Variants in EMSY observed in about 807,000 individuals in gnomAD.
EMSY encodes EMSY transcriptional repressor, BRCA2 interacting.
EMSY carries 26 observed loss-of-function variants against 134.6 expected under a neutral mutation model. The ratio of observed to expected loss-of-function variants is 0.19; its 90% CI spans 0.14 to 0.27. EMSY has a LOEUF of 0.27. Ranked by LOEUF, EMSY falls within the 10% of genes least tolerant of loss-of-function variation. The probability of loss-of-function intolerance (pLI) is 1.00; values close to 1 mark genes in which losing one functional copy is unlikely to be tolerated. For synonymous variants in EMSY, 579 were observed against 577.8 expected (o/e 1.00, Z -0.03); for missense variants, 1,305 against 1,611.4 (o/e 0.81, Z 3.26).
chr11:76,496,588 A>G lies in EMSY; in HGVS notation c.1363+119A>G, dbSNP rs1023978697. 6 of 1,162,388 alleles carry G rather than the reference A, an allele frequency of 5.2e-6. No individual in the cohort carries two copies. The African/African-American group carries it at 9.1e-5, about 18-fold the overall frequency. The allele number at this position is 1,162,388 out of a possible 1,614,324, so 72.0% of individuals were successfully genotyped here. On this transcript the variant is annotated intron_variant, in intron 9 of 20. Coordinates refer to ENST00000334736, the Ensembl canonical transcript of EMSY. ...TATTTAGGTCTTTGACTTTTTCATC[A>G]GTGTTTTACAGCTTTCAGCATATAG...
At chr11:76,523,023 A>G (rs1377863241) in intron 11 of EMSY, 132 bp from the exon 13 acceptor site, 5 of 867,810 alleles carry the variant, frequency 5.8e-6, no homozygotes, top group Non-Finnish European at 8.5e-6. Context: ...CTTCATTTTC[A>G]TCATCTTGAC....
intron 6 of EMSY, chr11:76,460,766 G>A (rs1260927577): frequency 6.6e-6 from 1 of 152,030 alleles, no homozygotes; most frequent in Non-Finnish European, 1.5e-5. Flanking sequence ...AATCATCTGA[G>A]GTCAGGAGTT....
At chr11:76,491,177 CTTTTT>C (rs61688457) in intron 8 of EMSY, among the ~76,000 whole-genome samples, 3 of 129,916 alleles carry the variant, frequency 2.3e-5, no homozygotes, top group South Asian at 5.0e-4. Flanking sequence ...CTTCTTTTTT[CTTTTT>C]TTTTTTTTTT....
intron 2 of EMSY, among the ~76,000 whole-genome samples, chr11:76,447,707 C>CTA (rs1279770271): frequency 6.6e-6 from 1 of 151,998 alleles, no homozygotes; most frequent in Non-Finnish European, 1.5e-5. Context: ...ATCTAGAGTG[C>CTA]TATTAGTTAT....
chr11:76,472,787 T>C (rs1948626623), exon 8 of EMSY: 2 of 1,613,830 alleles, frequency 1.2e-6, no homozygotes, highest in Admixed American at 1.7e-5. Context: ...ACAGTTGCAG[T>C]AACAGCTGTG....
rs150781844 is a variant in EMSY, at chr11:76,512,919, G to A, written c.1364-467G>A. ...CAGTTAAAAAATTCAAACAAAAAAT[G>A]TTCTTTGTCTTTATAATTTTCAACA... On this transcript the variant is annotated intron_variant, in intron 9 of 20. Transcript: ENST00000334736. Among the ~76,000 whole-genome samples, 796 of 152,156 alleles carry A rather than the reference G, an allele frequency of 5.2e-3. 6 individuals carry two copies. The highest frequency in any genetic ancestry group is 6.9e-3 in the Non-Finnish European group (466 of 67,946).
chr11:76,506,498 A>G (rs900696877), intron 9 of EMSY, among the ~76,000 whole-genome samples: 2 of 152,244 alleles, frequency 1.3e-5, no homozygotes, highest in African/African-American at 4.8e-5. Context: ...AATACCAATT[A>G]TCCTGACAGT....
intron 8 of EMSY, among the ~76,000 whole-genome samples, chr11:76,493,105 CCTGGCCTCTCCCCGCTCCTGCTGT>C (rs1949491195): frequency 2.0e-5 from 3 of 152,292 alleles, no homozygotes; most frequent in South Asian, 2.1e-4. Context: ...GCTCCTGCTG[CCTGGCCTCTCCCCGCTCCTGCTGT>C]CTGCTCCGGT....
exon 14 of EMSY, chr11:76,528,291 G>T: frequency 6.2e-7 from 1 of 1,613,512 alleles, no homozygotes; most frequent in South Asian, 1.1e-5. Context: ...CCAAACCAGT[G>T]ACTTTTCAAG....
rs1323733819 is a variant in EMSY, at chr11:76,507,859, CTTTTTCTTTTTTT to C, written c.1364-5521_1364-5509del. Among the ~76,000 whole-genome samples, 14 of 111,484 alleles carry C rather than the reference CTTTTTCTTTTTTT, an allele frequency of 1.3e-4. No individual in the cohort carries two copies. In the Admixed American group the frequency reaches 1.6e-3, roughly 13 times the overall value. The allele number at this position is 111,484 out of a possible 152,430, so 73.1% of individuals were successfully genotyped here. A position where few individuals can be genotyped will look rare whatever the true frequency, so the allele number is the denominator to read the frequency against. On this transcript the variant is annotated intron_variant, in intron 9 of 20. Coordinates refer to ENST00000334736, the Ensembl canonical transcript of EMSY. ...TGCATTTTTTTTTCTTTTTCTTTTT[CTTTTTCTTTTTTT>C]TTTTTTTCTTTTTTTTGAGACATAG...
At chr11:76,546,022 A>G in exon 20 of EMSY, 1 of 1,614,210 alleles carries the variant, frequency 6.2e-7, no homozygotes, top group Admixed American at 1.7e-5. Flanking sequence ...AGAACATATG[A>G]TAGTGGATCC....
chr11:76,507,545 T>G (rs1012428077), intron 9 of EMSY, among the ~76,000 whole-genome samples: 2 of 152,224 alleles, frequency 1.3e-5, no homozygotes, highest in Admixed American at 1.3e-4. Flanking sequence ...CATTAGAAGA[T>G]TCCATCTCAA....
intron 11 of EMSY, among the ~76,000 whole-genome samples, chr11:76,518,858 TTGTGTG>T (rs10691630): frequency 7.0e-6 from 1 of 143,094 alleles, no homozygotes; most frequent in African/African-American, 2.6e-5. Context: ...ATAGGCTGTC[TTGTGTG>T]TGTGTGTGTG....
intron 9 of EMSY, among the ~76,000 whole-genome samples, chr11:76,509,753 A>G (rs1357854216): frequency 2.6e-5 from 4 of 152,210 alleles, no homozygotes; most frequent in Non-Finnish European, 4.4e-5. Context: ...ATTTTCTTGT[A>G]TTTGTGGAGA....
At chr11:76,448,680 G>A (rs1316635715) in intron 2 of EMSY, among the ~76,000 whole-genome samples, 1 of 151,828 alleles carries the variant, frequency 6.6e-6, no homozygotes, top group Non-Finnish European at 1.5e-5. Flanking sequence ...CATATTGGGA[G>A]GTGAGCTTTG....
chr11:76,499,118 C>T lies in EMSY; in HGVS notation c.1363+2649C>T, dbSNP rs189909908. On this transcript the variant is annotated intron_variant, in intron 9 of 20. Transcript: ENST00000334736. ...CTGGGATTACAGGTGCACACTACCA[C>T]GCCCAGGTAACTTTTGTATTTTTAG... is the stretch of plus-strand genomic sequence containing the variant. 2.8e-3 allele frequency among the ~76,000 whole-genome samples: 421 copies of T among 151,992 alleles called. 2 individuals carry two copies. Among genetic ancestry groups the T allele is most frequent in the South Asian group, 9.8e-3 (47 of 4,808 alleles).
At chr11:76,521,961 C>T (rs1037992211) in intron 11 of EMSY, among the ~76,000 whole-genome samples, 1 of 151,880 alleles carries the variant, frequency 6.6e-6, no homozygotes, top group African/African-American at 2.4e-5. Flanking sequence ...AAGGTCAAGG[C>T]TGCAATGAGC....
chr11:76,488,731 A>C (rs574401345), intron 8 of EMSY, among the ~76,000 whole-genome samples: 1 of 152,308 alleles, frequency 6.6e-6, no homozygotes, highest in South Asian at 2.1e-4. Flanking sequence ...GTTAGGCATT[A>C]GCTCATTTGA....
exon 16 of EMSY, chr11:76,537,938 T>A: frequency 6.2e-7 from 1 of 1,611,154 alleles, no homozygotes; most frequent in Non-Finnish European, 8.5e-7. Context: ...AGTAGCTGAA[T>A]ACATCACTAC....
Sources: allele counts gnomAD v4.1 joint callset (sites outside exome capture counted in the v4.1 genomes callset), GRCh38; gene constraint gnomAD v4.1.1; transcripts MANE v1.5; gene names NCBI Gene and HGNC (gene_info 2026-07-23, HGNC 2026-07-21).